NINL: variants seen among roughly 807,000 people sequenced by gnomAD.
NINL encodes the protein ninein-like protein.
In NINL, 153 loss-of-function variants were observed where a neutral mutation model predicts 160.3. The observed-to-expected ratio is 0.95, with a 90% CI of 0.84 to 1.09. The LOEUF (loss-of-function observed/expected upper bound fraction) is 1.09. NINL is among the 50% of genes least tolerant of loss of function. The pLI is 0.00. For missense variants in NINL, 1,829 were observed against 1,764.0 expected, an observed-to-expected ratio of 1.04 and a Z score of -0.66; for synonymous variants, 800 against 734.8, an observed-to-expected ratio of 1.09 and a Z score of -1.43.
chr20:25,470,663 T>C (rs1601035830), intron 17 of NINL, among the ~76,000 whole-genome samples: 1 of 152,112 alleles, frequency 6.6e-6, no homozygotes, highest in Admixed American at 6.5e-5. Context: ...GGTAATGCCA[T>C]TGATTTGATA....
chr20:25,515,181 CAGAGACACA>C (rs1041325170), intron 3 of NINL, among the ~76,000 whole-genome samples: 9 of 152,236 alleles, frequency 5.9e-5, no homozygotes, highest in Non-Finnish European at 1.0e-4. Context: ...CTGTATCCTG[CAGAGACACA>C]GGATGGGAGC....
At chr20:25,462,760 TCCTCCCA>T in intron 19 of NINL, 1 of 413,870 alleles carries the variant, frequency 2.4e-6, no homozygotes, top group Non-Finnish European at 4.3e-6. Context: ...GCTCAGGCGA[TCCTCCCA>T]CCTCAGCCTC....
chr20:25,515,937 A>AT (rs956008323), intron 3 of NINL, among the ~76,000 whole-genome samples: 3 of 151,786 alleles, frequency 2.0e-5, no homozygotes, highest in Non-Finnish European at 4.4e-5. Context: ...TGCCCGGCTA[A>AT]TTTTTTTGTA....
chr20:25,473,975 C>G (rs185821665), intron 17 of NINL, among the ~76,000 whole-genome samples: 3 of 152,330 alleles, frequency 2.0e-5, no homozygotes, highest in African/African-American at 7.2e-5. Context: ...GCACAAAAGT[C>G]AGATACCTAC....
At chr20:25,461,848 G>A (rs1315759006) in intron 20 of NINL, among the ~76,000 whole-genome samples, 2 of 152,180 alleles carry the variant, frequency 1.3e-5, no homozygotes, top group African/African-American at 4.8e-5. Flanking sequence ...AGTGTCAGGT[G>A]CGCCACGCAC....
At chr20:25,582,369 G>A (rs1361372992) in intron 1 of NINL, among the ~76,000 whole-genome samples, 1 of 152,140 alleles carries the variant, frequency 6.6e-6, no homozygotes, top group Non-Finnish European at 1.5e-5. Context: ...GAGGTCAGGT[G>A]TGGTGGCTCA....
intron 1 of NINL, among the ~76,000 whole-genome samples, chr20:25,574,972 T>C (rs2065097585): frequency 2.6e-5 from 4 of 151,936 alleles, no homozygotes; most frequent in Admixed American, 2.6e-4. Context: ...AGTGCTAAGA[T>C]GGCATCAGTT....
chr20:25,585,078 A>G (rs1298440918), intron 1 of NINL, among the ~76,000 whole-genome samples: 1 of 152,076 alleles, frequency 6.6e-6, no homozygotes, highest in African/African-American at 2.4e-5. Flanking sequence ...GGCGGCGGGC[A>G]CCGCGTAGCT....
chr20:25,550,352 C>A (rs2064791626), intron 1 of NINL, among the ~76,000 whole-genome samples: 2 of 152,204 alleles, frequency 1.3e-5, no homozygotes, highest in African/African-American at 4.8e-5. Flanking sequence ...ATGAAGGGGG[C>A]CTGCCCCTCC....
At chr20:25,458,286 T>C in intron 22 of NINL, 97 bp downstream of exon 22, 2 of 1,474,672 alleles carry the variant, frequency 1.4e-6, no homozygotes, top group South Asian at 2.3e-5. Flanking sequence ...GACTCATGTA[T>C]TCACAGTTGT....
chr20:25,516,922 C>A (rs1360136060), intron 3 of NINL, among the ~76,000 whole-genome samples: 1 of 152,180 alleles, frequency 6.6e-6, no homozygotes, highest in African/African-American at 2.4e-5. Context: ...CTGGCCATCG[C>A]TTACTAACTG....
intron 1 of NINL, among the ~76,000 whole-genome samples, chr20:25,582,090 T>C (rs1361170252): frequency 6.6e-6 from 1 of 151,970 alleles, no homozygotes. Flanking sequence ...ACCCCGTCTC[T>C]ACTAAAATAA....
chr20:25,489,243 C>T lies in NINL; in HGVS notation c.1677+1G>A. The T allele has an allele frequency of 6.2e-7, 1 of 1,614,076 alleles. No individual in the cohort carries two copies. ...AAAAGGCAGACAGAGCAGGCACGTA[C>T]CCGGCACTTGAGCTCGTATTCCTTC... is the stretch of plus-strand genomic sequence containing the variant. On this transcript the variant is annotated splice_donor_variant, in intron 13 of 23. Coordinates refer to ENST00000278886, the MANE Select transcript of NINL (RefSeq NM_025176.6). LOFTEE classifies it high-confidence loss of function.
At chr20:25,520,841 A>C (rs1160629480) in intron 2 of NINL, among the ~76,000 whole-genome samples, 1 of 152,210 alleles carries the variant, frequency 6.6e-6, no homozygotes, top group Non-Finnish European at 1.5e-5. Flanking sequence ...TCTTGAGATC[A>C]TTATAGATCC....
intron 5 of NINL, 27 bp from the exon 6 acceptor site, chr20:25,505,105 C>T (rs1250365857): frequency 3.9e-6 from 6 of 1,530,732 alleles, no homozygotes; most frequent in Non-Finnish European, 5.3e-6. Context: ...GTCACAGTTA[C>T]ACCCTGATAC....
chr20:25,461,780 G>A, intron 20 of NINL, 145 bp from the exon 21 acceptor site: 1 of 600,950 alleles, frequency 1.7e-6, no homozygotes, highest in Non-Finnish European at 2.9e-6. Context: ...GGCCGGCCCT[G>A]TGTCCTGCAG....
At chr20:25,483,251 T>C (rs968829852) in intron 13 of NINL, among the ~76,000 whole-genome samples, 6 of 151,946 alleles carry the variant, frequency 3.9e-5, no homozygotes, top group Non-Finnish European at 5.9e-5. Flanking sequence ...GGAGAATCGC[T>C]TGAACCCAGG....
At chr20:25,551,530 G>A (rs558297099) in intron 1 of NINL, among the ~76,000 whole-genome samples, 5 of 152,264 alleles carry the variant, frequency 3.3e-5, no homozygotes, top group South Asian at 4.1e-4. Context: ...GTCTGAGGAC[G>A]CACCCAGGGA....
chr20:25,582,274 A>T (rs2065183291), intron 1 of NINL, among the ~76,000 whole-genome samples: 1 of 152,132 alleles, frequency 6.6e-6, no homozygotes, highest in Non-Finnish European at 1.5e-5. Context: ...AAACAAACAA[A>T]CAAAAAACAA....
Sources: allele counts gnomAD v4.1 joint callset (sites outside exome capture counted in the v4.1 genomes callset), GRCh38; gene constraint gnomAD v4.1.1; transcripts MANE v1.5; gene names NCBI Gene and HGNC (gene_info 2026-07-23, HGNC 2026-07-21).